Variants in BTRC observed in about 807,000 individuals in gnomAD.
The protein encoded by BTRC is F-box/WD repeat-containing protein 1A.
BTRC carries 42 observed loss-of-function variants against 85.5 expected under a neutral mutation model. That is an observed-to-expected ratio of 0.49 (90% CI 0.38 to 0.64). The LOEUF (loss-of-function observed/expected upper bound fraction) is 0.64. Ranked by LOEUF, BTRC falls within the 30% of genes least tolerant of loss-of-function variation. The probability of loss-of-function intolerance (pLI) is 0.00; values close to 1 mark genes in which losing one functional copy is unlikely to be tolerated. For synonymous variants in BTRC, 255 were observed against 263.3 expected, an observed-to-expected ratio of 0.97 and a Z score of 0.30; for missense variants, 594 against 743.5, an observed-to-expected ratio of 0.80 and a Z score of 2.34.
At chr10:101,427,832 G>A (rs1167247560) in intron 1 of BTRC, among the ~76,000 whole-genome samples, 1 of 152,106 alleles carries the variant, frequency 6.6e-6, no homozygotes, top group African/African-American at 2.4e-5. Context: ...CTGGCTCCAG[G>A]ACAGTGTCTA....
At position 101,447,545 on chromosome 10, in the gene BTRC, C is replaced by T. The variant is rs542462298; in HGVS notation, c.157-14436C>T. Among the ~76,000 whole-genome samples, 122 of 152,246 alleles carry T rather than the reference C, an allele frequency of 8.0e-4. 1 individual carries two copies. Among genetic ancestry groups the T allele is most frequent in the Non-Finnish European group, 1.5e-3 (105 of 68,020 alleles). ...TAATTCTGTACTGTAAGAACAACTA[C>T]TATGATATTAAAATTAATGTTTGAT... On this transcript the variant is annotated intron_variant, in intron 2 of 14. Transcript: ENST00000370187.
At chr10:101,430,573 G>A in intron 2 of BTRC, 121 bp downstream of exon 2, 1 of 714,018 alleles carries the variant, frequency 1.4e-6, no homozygotes, top group Non-Finnish European at 2.4e-6. Flanking sequence ...CATATTGCCT[G>A]TATCTCACAT....
intron 1 of BTRC, among the ~76,000 whole-genome samples, chr10:101,425,997 T>A (rs1363241878): frequency 6.6e-6 from 1 of 152,200 alleles, no homozygotes; most frequent in Admixed American, 6.5e-5. Flanking sequence ...AGAAAACATC[T>A]TACATATTTG....
rs35543012 is a variant in BTRC, at chr10:101,441,879, C to CAAAA, written c.156+11445_156+11448dup. On this transcript the variant is annotated intron_variant, in intron 2 of 14. Transcript: ENST00000370187. The stretch of plus-strand genomic sequence containing the variant: ...CCTGGGTGACAGAGTGAGACTGTCT[C>CAAAA]AAAAAAAAAAAAAAAAAAAAAGTGT... 9.7e-3 allele frequency among the ~76,000 whole-genome samples: 830 copies of CAAAA among 85,198 alleles called. 29 individuals are homozygous for CAAAA. The highest frequency in any genetic ancestry group is 0.032 in the Admixed American group (202 of 6,332). The allele number at this position is 85,198 out of a possible 152,430, so 55.9% of individuals were successfully genotyped here.
At chr10:101,481,771 T>C (rs1203798612) in intron 4 of BTRC, among the ~76,000 whole-genome samples, 1 of 152,214 alleles carries the variant, frequency 6.6e-6, no homozygotes, top group Non-Finnish European at 1.5e-5. Flanking sequence ...TTAACATTAT[T>C]CTGACACCTA....
intron 3 of BTRC, among the ~76,000 whole-genome samples, chr10:101,473,502 A>G (rs1303976851): frequency 1.6e-5 from 2 of 127,002 alleles, no homozygotes; most frequent in African/African-American, 6.4e-5. Context: ...ACAGAATCTC[A>G]ATCTGTTGCC....
intron 9 of BTRC, among the ~76,000 whole-genome samples, chr10:101,534,169 A>T (rs1371868586): frequency 6.6e-6 from 1 of 152,098 alleles, no homozygotes; most frequent in Non-Finnish European, 1.5e-5. Flanking sequence ...AGAACACAGA[A>T]ATGGGGGCTT....
chr10:101,366,862 A>ATATATATATATTTATG (rs1554862147), intron 1 of BTRC, among the ~76,000 whole-genome samples: 2 of 28,728 alleles, frequency 7.0e-5, no homozygotes, highest in Admixed American at 6.2e-4. Flanking sequence ...ATATATATTT[A>ATATATATATATTTATG]TATATTAATA....
intron 13 of BTRC, among the ~76,000 whole-genome samples, chr10:101,546,553 T>TA (rs1257294212): frequency 4.6e-5 from 7 of 152,136 alleles, no homozygotes; most frequent in South Asian, 2.1e-4. Context: ...AAAGCAGTGC[T>TA]TAGAGGGAAA....
At position 101,534,724 on chromosome 10, in the gene BTRC, G is replaced by T. The variant is rs1410738135; in HGVS notation, c.1161G>T (p.Leu387=). The part of the protein sequence containing the change: ...NTLIHHCEAV[L]HLRFNNGMMV... ...TGATTCACCATTGTGAAGCAGTTCT[G>T]CACTTGCGTTTCAATAATGGCATGA... The change falls in exon 10 of 15, where the codon CTG becomes CTT. Residue 387 remains leucine, a synonymous_variant. Transcript: ENST00000370187. 6.2e-7 allele frequency: 1 copy of T among 1,614,202 alleles called. No homozygotes were observed. The highest frequency in any genetic ancestry group is 8.5e-7 in the Non-Finnish European group (1 of 1,180,026).
rs1028398009 is a variant in BTRC, at chr10:101,513,374, G to T, written c.325-8265G>T. ...AGTTCAATGAATGTTGGCAACTGGC[G>T]TAACAATCAAGTTAGAGAACATTTT... On this transcript the variant is annotated intron_variant, in intron 4 of 14. Transcript: ENST00000370187. 8.5e-5 allele frequency among the ~76,000 whole-genome samples: 13 copies of T among 152,180 alleles called. No individual in the cohort carries two copies. The South Asian group carries it at 2.7e-3, about 32-fold the overall frequency.
chr10:101,497,649 T>C (rs1946296431), intron 4 of BTRC, among the ~76,000 whole-genome samples: 1 of 152,118 alleles, frequency 6.6e-6, no homozygotes, highest in East Asian at 1.9e-4. Flanking sequence ...GAGGCTGCAG[T>C]GAACCGTGAT....
chr10:101,407,152 G>A (rs1943649282), intron 1 of BTRC, among the ~76,000 whole-genome samples: 1 of 152,112 alleles, frequency 6.6e-6, no homozygotes, highest in South Asian at 2.1e-4. Context: ...GAGGCCAGGA[G>A]TATGAGACCT....
chr10:101,540,355 G>T (rs1490067821), intron 13 of BTRC, among the ~76,000 whole-genome samples: 1 of 152,130 alleles, frequency 6.6e-6, no homozygotes, highest in Non-Finnish European at 1.5e-5. Flanking sequence ...ATATCCAGTT[G>T]TTCCAGCACC....
chr10:101,522,408 C>T (rs1167151929), intron 5 of BTRC, among the ~76,000 whole-genome samples: 2 of 33,342 alleles, frequency 6.0e-5, no homozygotes, highest in Admixed American at 5.9e-4. Context: ...AATAAAGACT[C>T]CTTTTTTTTT....
intron 4 of BTRC, among the ~76,000 whole-genome samples, chr10:101,501,096 T>C (rs1946388772): frequency 6.6e-6 from 1 of 151,670 alleles, no homozygotes; most frequent in Non-Finnish European, 1.5e-5. Context: ...CTCAGGAGGC[T>C]GAGGCAGAAT....
At chr10:101,529,827 G>GCC in intron 6 of BTRC, among the ~76,000 whole-genome samples, 1 of 152,288 alleles carries the variant, frequency 6.6e-6, no homozygotes, top group South Asian at 2.1e-4. Context: ...TTGTAATGGA[G>GCC]CTATAGAGGG....
chr10:101,499,206 A>C (rs1216985295), intron 4 of BTRC, among the ~76,000 whole-genome samples: 1 of 152,086 alleles, frequency 6.6e-6, no homozygotes, highest in Non-Finnish European at 1.5e-5. Context: ...CATGGCAGAC[A>C]CTTGGCCTGT....
At position 101,366,810 on chromosome 10, in the gene BTRC, TTA is replaced by T. The variant is rs1302454856; in HGVS notation, c.48+12590_48+12591del. The stretch of plus-strand genomic sequence containing the variant: ...TATATTTTTACATTTATATATATAT[TTA>T]TATATATTAATATATATTTATATAT... On this transcript the variant is annotated intron_variant, in intron 1 of 14. Coordinates refer to ENST00000370187, the MANE Select transcript of BTRC (RefSeq NM_033637.4). 1.7e-4 allele frequency among the ~76,000 whole-genome samples: 13 copies of T among 77,636 alleles called. 2 individuals are homozygous for T. The highest frequency in any genetic ancestry group is 4.3e-4 in the African/African-American group (7 of 16,242). 50.9% of individuals were successfully genotyped at this position (77,636 alleles called of 152,430 possible).
Sources: gnomAD v4.1 joint callset for allele counts (sites outside exome capture counted in the v4.1 genomes callset) on GRCh38, gnomAD v4.1.1 for gene constraint, MANE v1.5 for transcripts, NCBI Gene and HGNC (gene_info 2026-07-23, HGNC 2026-07-21) for gene names.